The following MARCHF10 variants were observed in gnomAD, a reference collection of about 807,000 sequenced individuals.
MARCHF10 encodes probable E3 ubiquitin-protein ligase MARCHF10.
A neutral mutation model predicts 76.2 loss-of-function variants in MARCHF10; 64 were observed. The observed-to-expected ratio is 0.84, with a 90% confidence interval of 0.69 to 1.03. The LOEUF (loss-of-function observed/expected upper bound fraction) is 1.03, where lower values mean the gene tolerates loss of function less well. MARCHF10 is among the 50% of genes least tolerant of loss of function. The probability of loss-of-function intolerance (pLI) is 0.00; values close to 1 mark genes in which losing one functional copy is unlikely to be tolerated. For missense variants in MARCHF10, 875 were observed against 958.0 expected, an observed-to-expected ratio of 0.91 and a Z score of 1.14; for synonymous variants, 340 against 357.5, an observed-to-expected ratio of 0.95 and a Z score of 0.55.
At chr17:62,707,657 A>C (rs1300446275) in intron 9 of MARCHF10, 14 of 152,278 alleles carry the variant, frequency 9.2e-5, no homozygotes, top group Non-Finnish European at 2.1e-4. Flanking sequence ...GCAGCGCTCC[A>C]TTTCATCCGA....
At chr17:62,725,180 T>C (rs1449067325) in intron 6 of MARCHF10, 76 bp from the exon 7 acceptor site, 3 of 1,394,142 alleles carry the variant, frequency 2.2e-6, no homozygotes, top group Non-Finnish European at 9.5e-7. Flanking sequence ...TCCCAGAGCA[T>C]TGACAGAGAA....
intron 4 of MARCHF10, among the ~76,000 whole-genome samples, chr17:62,746,461 GAA>G (rs911520428): frequency 1.9e-5 from 2 of 106,402 alleles, no homozygotes; most frequent in Admixed American, 1.0e-4. Context: ...GTGAGAGACA[GAA>G]AGACAGAGAG....
At chr17:62,727,475 C>A (rs1032638536) in intron 6 of MARCHF10, among the ~76,000 whole-genome samples, 2 of 151,882 alleles carry the variant, frequency 1.3e-5, no homozygotes, top group Admixed American at 6.6e-5. Context: ...TCAAGCCCAG[C>A]CTGGGCAACA....
chr17:62,752,730 A>G (rs2091932321), intron 4 of MARCHF10, among the ~76,000 whole-genome samples: 1 of 151,286 alleles, frequency 6.6e-6, no homozygotes, highest in African/African-American at 2.4e-5. Flanking sequence ...TCAGCCTCCC[A>G]AAGTGCTAGG....
At chr17:62,763,277 T>C (rs1204094148) in intron 3 of MARCHF10, among the ~76,000 whole-genome samples, 1 of 152,134 alleles carries the variant, frequency 6.6e-6, no homozygotes, top group Non-Finnish European at 1.5e-5. Flanking sequence ...CAGTGAAAAA[T>C]CCTATTGGAT....
In MARCHF10 at chr17:62,756,835, C is replaced by T. The variant is rs149789590; in HGVS notation, c.382+3000G>A. On this transcript the variant is annotated intron_variant, in intron 4 of 10. Transcript: ENST00000311269. ...AAAACACTTGCCCATAAACCGCATG[C>T]GCCACTGCATGGAGAGATATAACAA... Among the ~76,000 whole-genome samples the T allele has an allele frequency of 5.9e-5, 9 of 152,258 alleles. No homozygotes were observed. The East Asian group carries it at 1.4e-3, about 23-fold the overall frequency.
chr17:62,720,803 C>T (rs1386916873), intron 8 of MARCHF10, among the ~76,000 whole-genome samples: 3 of 151,806 alleles, frequency 2.0e-5, no homozygotes, highest in Admixed American at 1.3e-4. Flanking sequence ...GATTGCTTGT[C>T]CAGCACTGGT....
chr17:62,783,063 T>C (rs772622166), intron 3 of MARCHF10, among the ~76,000 whole-genome samples: 1 of 152,098 alleles, frequency 6.6e-6, no homozygotes, highest in Non-Finnish European at 1.5e-5. Flanking sequence ...GCTCAAACAC[T>C]TGGGAGATCA....
At chr17:62,761,069 G>A (rs1164038022) in intron 3 of MARCHF10, among the ~76,000 whole-genome samples, 1 of 152,318 alleles carries the variant, frequency 6.6e-6, no homozygotes, top group East Asian at 1.9e-4. Context: ...AATACTCTGA[G>A]TAGCTTTGAA....
At chr17:62,775,184 G>T (rs1430657063) in intron 3 of MARCHF10, among the ~76,000 whole-genome samples, 23 of 147,408 alleles carry the variant, frequency 1.6e-4, no homozygotes, top group Non-Finnish European at 3.0e-4. Flanking sequence ...GGAGTGCAGT[G>T]GTGTGATCTC....
At chr17:62,755,483 C>T (rs1377641402) in intron 4 of MARCHF10, among the ~76,000 whole-genome samples, 1 of 152,200 alleles carries the variant, frequency 6.6e-6, no homozygotes, top group African/African-American at 2.4e-5. Context: ...CCCCAAATGT[C>T]CCTGTGCCTC....
At chr17:62,735,826 A>C in intron 6 of MARCHF10, 105 bp downstream of exon 6, 2 of 1,019,288 alleles carry the variant, frequency 2.0e-6, no homozygotes, top group Non-Finnish European at 1.4e-6. Context: ...AATGTCAAGG[A>C]AGGACCCATT....
intron 6 of MARCHF10, 140 bp from the exon 7 acceptor site, chr17:62,725,244 T>G (rs886069075): frequency 8.8e-5 from 59 of 669,008 alleles, no homozygotes; most frequent in Non-Finnish European, 1.2e-4. Flanking sequence ...AGTGAGATGA[T>G]TTTTGATAAC....
chr17:62,791,618 T>C (rs1283715261), intron 2 of MARCHF10, among the ~76,000 whole-genome samples: 1 of 152,232 alleles, frequency 6.6e-6, no homozygotes, highest in Non-Finnish European at 1.5e-5. Flanking sequence ...TAAACTTTTA[T>C]CTTGACAGAG....
chr17:62,775,507 C>A (rs559121059), intron 3 of MARCHF10, among the ~76,000 whole-genome samples: 1 of 146,702 alleles, frequency 6.8e-6, no homozygotes, highest in African/African-American at 2.6e-5. Flanking sequence ...GTCAGCCACT[C>A]GGGGGGGGGC....
At chr17:62,714,802 A>G (rs1446814897) in intron 8 of MARCHF10, among the ~76,000 whole-genome samples, 1 of 151,922 alleles carries the variant, frequency 6.6e-6, no homozygotes, top group East Asian at 1.9e-4. Context: ...CTGGAGTGCA[A>G]TGGTGTGATC....
At chr17:62,791,153 G>A (rs979257095) in intron 2 of MARCHF10, among the ~76,000 whole-genome samples, 2 of 152,204 alleles carry the variant, frequency 1.3e-5, no homozygotes, top group African/African-American at 4.8e-5. Context: ...GAGAAACCCA[G>A]GTAATCCTAA....
chr17:62,749,230 A>T (rs375068409), intron 4 of MARCHF10, among the ~76,000 whole-genome samples: 6 of 152,332 alleles, frequency 3.9e-5, no homozygotes, highest in Admixed American at 6.5e-5. Context: ...TAGAAATCTT[A>T]TATTTGTACA....
chr17:62,804,983 G>A (rs8068401), intron 1 of MARCHF10: 1 of 151,930 alleles, frequency 6.6e-6, no homozygotes, highest in African/African-American at 2.4e-5. Context: ...AGGCCGCCCC[G>A]GACTCATGGT....
Sources: gnomAD v4.1 joint callset for allele counts (sites outside exome capture counted in the v4.1 genomes callset) on GRCh38, gnomAD v4.1.1 for gene constraint, MANE v1.5 for transcripts, NCBI Gene and HGNC (gene_info 2026-07-23, HGNC 2026-07-21) for gene names.